The following GPN1 variants were observed in gnomAD, a reference collection of about 807,000 sequenced individuals.
GPN1 encodes the protein GPN-loop GTPase 1.
In GPN1, 44 loss-of-function variants were observed where a neutral mutation model predicts 55.9. That is an observed-to-expected ratio of 0.79 (90% CI 0.62 to 1.01). The LOEUF (loss-of-function observed/expected upper bound fraction) is 1.01, where lower values mean the gene tolerates loss of function less well. GPN1 is among the 50% of genes least tolerant of loss of function. The pLI, the probability that GPN1 is intolerant of heterozygous loss-of-function variation, is 0.00. For missense variants in GPN1, 466 were observed against 462.8 expected, an observed-to-expected ratio of 1.01 and a Z score of -0.06; for synonymous variants, 179 against 162.5, an observed-to-expected ratio of 1.10 and a Z score of -0.77.
intron 11 of GPN1, chr2:27,642,202 G>A (rs1026228557): frequency 3.6e-5 from 16 of 444,736 alleles, no homozygotes; most frequent in African/African-American, 1.2e-4. Context: ...TTTGTGTTCC[G>A]TTTCTGAACC....
rs1673446055 is a variant in GPN1, at chr2:27,629,516, C to T, written c.112-343C>T. ...TTTGGTGAAGATTTGCCAAATATTT[C>T]TTGCACGCCTGTCATGTTCCATTCA... On this transcript the variant is annotated intron_variant, in intron 1 of 13. Coordinates refer to ENST00000610189, the MANE Select transcript of GPN1 (RefSeq NM_007266.4). 6 of 944,562 alleles carry T rather than the reference C, an allele frequency of 6.4e-6. No individual in the cohort carries two copies. In the South Asian group the frequency reaches 7.0e-5, roughly 11 times the overall value. 58.5% of individuals were successfully genotyped at this position (944,562 alleles called of 1,614,324 possible). A position where few individuals can be genotyped will look rare whatever the true frequency, so the allele number is the denominator to read the frequency against.
intron 12 of GPN1, among the ~76,000 whole-genome samples, chr2:27,644,870 G>A (rs1028911037): frequency 6.6e-6 from 1 of 151,412 alleles, no homozygotes; most frequent in Admixed American, 6.6e-5. Context: ...GAGATGCTAC[G>A]TGTATAATGT....
At chr2:27,630,226 G>A (rs1044387563) in intron 2 of GPN1, among the ~76,000 whole-genome samples, 4 of 152,082 alleles carry the variant, frequency 2.6e-5, no homozygotes, top group Non-Finnish European at 4.4e-5. Context: ...GGCAGAGGTT[G>A]CAGTGAGCCA....
chr2:27,639,269 T>C (rs1364493348), intron 9 of GPN1, among the ~76,000 whole-genome samples: 1 of 152,210 alleles, frequency 6.6e-6, no homozygotes, highest in East Asian at 1.9e-4. Flanking sequence ...TATGATATAT[T>C]GTAGTAAGTA....
rs138879960 is a variant in GPN1 at position 27,642,484 on chromosome 2, T to C, written c.896T>C (p.Met299Thr). 31 of 1,613,322 alleles carry C rather than the reference T, an allele frequency of 1.9e-5. No individual in the cohort carries two copies. In the Admixed American group the frequency reaches 2.0e-4, roughly 10 times the overall value. The part of the protein sequence containing the change: ...REQLERLRKD[M>T]GSVALDAGTA... ...CAACTGGAACGCCTTCGAAAAGATA[T>C]GGGTTCTGTAGCCTTGGATGCAGGG... is the stretch of plus-strand genomic sequence containing the variant. The change falls in exon 12 of 14, where the codon ATG becomes ACG. Residue 299 changes from methionine (M) to threonine (T), a missense_variant. Met to Thr is a moderately conservative substitution (Grantham distance 81). Coordinates refer to ENST00000610189, the MANE Select transcript of GPN1 (RefSeq NM_007266.4).
chr2:27,650,834 TTTTTAA>T lies in GPN1; in HGVS notation c.*641_*646del, dbSNP rs1423280202. On this transcript the variant is annotated 3_prime_UTR_variant, in exon 14 of 14. Transcript: ENST00000610189. ...TTTCATTGGTGACTTGGATAAAGAC[TTTTTAA>T]TTTTAACTTTGTTCTAAGACTGCTT... 6.5e-6 allele frequency: 1 copy of T among 152,828 alleles called. No individual in the cohort carries two copies. Among genetic ancestry groups the T allele is most frequent in the Admixed American group, 6.5e-5 (1 of 15,288 alleles). The allele number at this position is 152,828 out of a possible 1,614,324, so 9.5% of individuals were successfully genotyped here.
intron 12 of GPN1, among the ~76,000 whole-genome samples, chr2:27,647,492 T>C (rs1458514001): frequency 6.6e-6 from 1 of 152,180 alleles, no homozygotes; most frequent in African/African-American, 2.4e-5. Flanking sequence ...GCACACTGGA[T>C]CTGCTCAAAT....
At chr2:27,639,974 C>A (rs111864179) in intron 9 of GPN1, 69 bp from the exon 10 acceptor site, 1 of 1,024,474 alleles carries the variant, frequency 9.8e-7, no homozygotes, top group Non-Finnish European at 1.5e-6. Context: ...GACATTTAAA[C>A]AAGTTAATGT....
chr2:27,637,594 CAAAT>C (rs1179471518), intron 7 of GPN1, among the ~76,000 whole-genome samples: 4 of 151,648 alleles, frequency 2.6e-5, no homozygotes, highest in Non-Finnish European at 4.4e-5. Flanking sequence ...GTATAATTGA[CAAAT>C]AAAAATTGTA....
At position 27,651,339 on chromosome 2, in the gene GPN1, C is replaced by A. The variant is rs1244543344; in HGVS notation, c.*1139C>A. 6.6e-6 allele frequency: 1 copy of A among 152,250 alleles called. No individual in the cohort carries two copies. Among genetic ancestry groups the A allele is most frequent in the Admixed American group, 6.6e-5 (1 of 15,266 alleles). The allele number at this position is 152,250 out of a possible 1,614,324, so 9.4% of individuals were successfully genotyped here. ...GGGCTGAGCAGTCTGTTTTAGAAAG[C>A]CCTCCATGTGATTCTGATGCATAGT... On this transcript the variant is annotated 3_prime_UTR_variant, in exon 14 of 14. Coordinates refer to ENST00000610189, the MANE Select transcript of GPN1 (RefSeq NM_007266.4).
intron 12 of GPN1, 53 bp downstream of exon 12, chr2:27,642,572 T>TTTTA (rs886514903): frequency 4.2e-5 from 45 of 1,068,430 alleles, no homozygotes; most frequent in Admixed American, 1.7e-4. Context: ...CACTTCTTTC[T>TTTTA]TTTATTTATT....
chr2:27,638,389 A>G lies in GPN1; in HGVS notation c.570+134A>G, dbSNP rs751374809. 7 of 597,660 alleles carry G rather than the reference A, an allele frequency of 1.2e-5. No individual in the cohort carries two copies. The East Asian group carries it at 2.0e-4, about 17-fold the overall frequency. 37.0% of individuals were successfully genotyped at this position (597,660 alleles called of 1,614,324 possible). On this transcript the variant is annotated intron_variant, in intron 8 of 13. Coordinates refer to ENST00000610189, the MANE Select transcript of GPN1 (RefSeq NM_007266.4). ...GCTTTACTGAAACAAATTCATAGGC[A>G]CTTCGAGAAAATGAATCAATCAAAT...
intron 8 of GPN1, 134 bp from the exon 9 acceptor site, chr2:27,638,751 G>T (rs114940462): frequency 0.035 from 23,552 of 676,938 alleles, 519 homozygotes; most frequent in Non-Finnish European, 0.044. Flanking sequence ...GTGGCTTGTT[G>T]CAATGGAGGG....
chr2:27,635,246 T>G lies in GPN1; in HGVS notation c.524+12T>G, dbSNP rs867532768. 2.9e-6 allele frequency: 4 copies of G among 1,372,406 alleles called. No homozygotes were observed. In the Middle Eastern group the frequency reaches 7.2e-4, roughly 247 times the overall value. The allele number at this position is 1,372,406 out of a possible 1,614,324, so 85.0% of individuals were successfully genotyped here. ...CTCTATGCCTGCAGGTAATTGATTG[T>G]TGGTGGGGAAAGTGTTCCATCAAGG... is the stretch of plus-strand genomic sequence containing the variant. On this transcript the variant is annotated intron_variant, in intron 7 of 13. Transcript: ENST00000610189.
At position 27,637,171 on chromosome 2, in the gene GPN1, A is replaced by T. The variant is rs547374255; in HGVS notation, c.525-1039A>T. Among the ~76,000 whole-genome samples the T allele has an allele frequency of 9.8e-4, 150 of 152,320 alleles. 1 individual carries two copies. Among genetic ancestry groups the T allele is most frequent in the African/African-American group, 3.4e-3 (140 of 41,572 alleles). ...ATTGGAAACCTTGCTGGTAACATAA[A>T]CAGTAGATTAACACACATTACATAT... On this transcript the variant is annotated intron_variant, in intron 7 of 13. Coordinates refer to ENST00000610189, the MANE Select transcript of GPN1 (RefSeq NM_007266.4).
chr2:27,649,261 AAACAAAC>A (rs1674394007), intron 13 of GPN1, among the ~76,000 whole-genome samples: 1 of 147,554 alleles, frequency 6.8e-6, no homozygotes, highest in African/African-American at 2.5e-5. Context: ...ACAAACAAAC[AAACAAAC>A]AAAAAAACAC....
At chr2:27,629,374 G>A in intron 1 of GPN1, 1 of 1,550,580 alleles carries the variant, frequency 6.4e-7, no homozygotes, top group Non-Finnish European at 8.7e-7. Flanking sequence ...CGCACCTTCA[G>A]GGCATACTCG....
chr2:27,647,986 T>C (rs145512340), intron 13 of GPN1, 43 bp downstream of exon 13: 14,819 of 1,059,524 alleles, frequency 0.014, 138 homozygotes, highest in Middle Eastern at 0.041. Flanking sequence ...GAGCATCTGC[T>C]TATCCTCACA....
chr2:27,650,016 C>T, intron 13 of GPN1, 99 bp from the exon 14 acceptor site: 1 of 709,114 alleles, frequency 1.4e-6, no homozygotes, highest in Non-Finnish European at 2.6e-6. Context: ...ACTTAAGTTT[C>T]TTAGAAGTAA....
Sources: gnomAD v4.1 joint callset for allele counts (sites outside exome capture counted in the v4.1 genomes callset) on GRCh38, gnomAD v4.1.1 for gene constraint, MANE v1.5 for transcripts, NCBI Gene and HGNC (gene_info 2026-07-23, HGNC 2026-07-21) for gene names.